The following ACBD6 variants were observed in gnomAD, a reference collection of about 807,000 sequenced individuals.
ACBD6 encodes the protein acyl-CoA binding domain containing 6.
Under a neutral mutation model 37.2 loss-of-function variants are expected in ACBD6, and 28 were observed. That is an observed-to-expected ratio of 0.75 (90% CI 0.56 to 1.03). The LOEUF is 1.03. ACBD6 is among the 50% of genes least tolerant of loss of function. ACBD6 has a pLI of 0.00. For synonymous variants in ACBD6, 113 were observed against 126.8 expected, an observed-to-expected ratio of 0.89 and a Z score of 0.73; for missense variants, 340 against 337.4, an observed-to-expected ratio of 1.01 and a Z score of -0.06.
chr1:180,293,787 T>A (rs970757147), intron 7 of ACBD6, among the ~76,000 whole-genome samples: 1 of 152,132 alleles, frequency 6.6e-6, no homozygotes, highest in African/African-American at 2.4e-5. Context: ...CCTAGCTAGA[T>A]GTAGTGGCTA....
chr1:180,296,954 A>G (rs1478276619), intron 7 of ACBD6, among the ~76,000 whole-genome samples: 1 of 151,972 alleles, frequency 6.6e-6, no homozygotes, highest in Non-Finnish European at 1.5e-5. Context: ...GTGAAACCCC[A>G]TCTTTACTAA....
intron 4 of ACBD6, among the ~76,000 whole-genome samples, chr1:180,417,150 G>C (rs778555264): frequency 1.2e-4 from 18 of 152,128 alleles, no homozygotes; most frequent in Non-Finnish European, 2.2e-4. Context: ...CCTTTAAAGA[G>C]ATATGCAGGT....
chr1:180,338,069 T>C (rs1408972996), intron 6 of ACBD6, among the ~76,000 whole-genome samples: 1 of 152,174 alleles, frequency 6.6e-6, no homozygotes, highest in East Asian at 1.9e-4. Flanking sequence ...TGCTCATGGA[T>C]AGGAAGAATC....
At chr1:180,483,561 T>G (rs1428325189) in intron 3 of ACBD6, among the ~76,000 whole-genome samples, 1 of 152,100 alleles carries the variant, frequency 6.6e-6, no homozygotes, top group Non-Finnish European at 1.5e-5. Flanking sequence ...AACTAATGTG[T>G]GAAATAAATG....
intron 6 of ACBD6, among the ~76,000 whole-genome samples, chr1:180,341,532 G>C (rs928685283): frequency 6.6e-6 from 1 of 151,946 alleles, no homozygotes; most frequent in Non-Finnish European, 1.5e-5. Context: ...GGTTCCATCA[G>C]GATATAAATA....
At chr1:180,392,638 A>G (rs1490710366) in intron 6 of ACBD6, among the ~76,000 whole-genome samples, 6 of 152,188 alleles carry the variant, frequency 3.9e-5, no homozygotes, top group Non-Finnish European at 7.4e-5. Flanking sequence ...GACAATGCAC[A>G]TAAAATTCTT....
At chr1:180,303,770 T>A (rs1388416672) in intron 7 of ACBD6, among the ~76,000 whole-genome samples, 1 of 150,748 alleles carries the variant, frequency 6.6e-6, no homozygotes, top group African/African-American at 2.4e-5. Context: ...GCCAGCATCA[T>A]CCTGTTACCA....
At chr1:180,473,936 G>A (rs1006294686) in intron 3 of ACBD6, among the ~76,000 whole-genome samples, 7 of 152,094 alleles carry the variant, frequency 4.6e-5, no homozygotes, top group East Asian at 3.9e-4. Context: ...AAAAAGTAAC[G>A]TCCATATTAA....
chr1:180,463,975 C>A (rs1477962172), intron 3 of ACBD6, among the ~76,000 whole-genome samples: 1 of 152,146 alleles, frequency 6.6e-6, no homozygotes, highest in African/African-American at 2.4e-5. Context: ...TCAATAGATG[C>A]AGAAAAGGAT....
At chr1:180,361,468 A>G (rs1201803173) in intron 6 of ACBD6, among the ~76,000 whole-genome samples, 1 of 64,378 alleles carries the variant, frequency 1.6e-5, no homozygotes, top group Non-Finnish European at 6.4e-5. Context: ...AACAAATTTT[A>G]TAGACACTTT....
chr1:180,404,615 G>A (rs967064906), intron 5 of ACBD6, among the ~76,000 whole-genome samples: 10 of 151,962 alleles, frequency 6.6e-5, no homozygotes, highest in African/African-American at 2.4e-4. Flanking sequence ...GTGCCACCAT[G>A]CTCAGCTAAT....
At chr1:180,322,844 G>T (rs1246759061) in intron 6 of ACBD6, among the ~76,000 whole-genome samples, 2 of 149,796 alleles carry the variant, frequency 1.3e-5, no homozygotes, top group Non-Finnish European at 3.0e-5. Context: ...ATTTCAGTTT[G>T]ATTTATTTAT....
In ACBD6 at chr1:180,472,196, C is replaced by T. The variant is rs1002758961; in HGVS notation, c.384+20073G>A. Among the ~76,000 whole-genome samples the T allele has an allele frequency of 2.0e-5, 3 of 152,182 alleles. No homozygotes were observed. The South Asian group carries it at 6.2e-4, about 31-fold the overall frequency. ...AAACCCCTCCTTTAAGTTAAGGTATCCTCTGCTGGGCCCATTTGGGAACCA... is the reference window on the plus strand; with the variant it reads ...AAACCCCTCCTTTAAGTTAAGGTATTCTCTGCTGGGCCCATTTGGGAACCA... On this transcript the variant is annotated intron_variant, in intron 3 of 7. Transcript: ENST00000367595.
chr1:180,384,254 T>C (rs926945736), intron 6 of ACBD6, among the ~76,000 whole-genome samples: 3 of 151,992 alleles, frequency 2.0e-5, no homozygotes, highest in Admixed American at 6.6e-5. Flanking sequence ...CTGCAAATTA[T>C]CTGACAAGGG....
chr1:180,443,657 G>A (rs1649368764), intron 3 of ACBD6, among the ~76,000 whole-genome samples: 1 of 152,058 alleles, frequency 6.6e-6, no homozygotes, highest in Non-Finnish European at 1.5e-5. Flanking sequence ...CTGTCGCCCA[G>A]GCTGGAGTGC....
At chr1:180,438,533 C>T (rs566408527) in intron 3 of ACBD6, 2 of 152,654 alleles carry the variant, frequency 1.3e-5, no homozygotes, top group African/African-American at 2.4e-5. Context: ...ATAAAGACTA[C>T]TAATTAAGAG....
At chr1:180,477,943 T>C (rs1327554573) in intron 3 of ACBD6, among the ~76,000 whole-genome samples, 1 of 149,480 alleles carries the variant, frequency 6.7e-6, no homozygotes, top group East Asian at 1.9e-4. Flanking sequence ...GGAGTTCAGG[T>C]CTAGCCTAGG....
At chr1:180,364,161 A>G (rs1267906599) in intron 6 of ACBD6, among the ~76,000 whole-genome samples, 1 of 152,226 alleles carries the variant, frequency 6.6e-6, no homozygotes, top group African/African-American at 2.4e-5. Context: ...CTAATATAAT[A>G]TCTACATCTA....
At chr1:180,364,071 A>G (rs1046110041) in intron 6 of ACBD6, among the ~76,000 whole-genome samples, 3 of 152,232 alleles carry the variant, frequency 2.0e-5, no homozygotes, top group African/African-American at 7.2e-5. Context: ...AGGGATGGCA[A>G]ATATTTAAAA....
Sources: allele counts gnomAD v4.1 joint callset (sites outside exome capture counted in the v4.1 genomes callset), GRCh38; gene constraint gnomAD v4.1.1; transcripts MANE v1.5; gene names NCBI Gene and HGNC (gene_info 2026-07-23, HGNC 2026-07-21).